ADGRB3: variants seen among roughly 807,000 people sequenced by gnomAD.
ADGRB3 encodes the protein adhesion G protein-coupled receptor B3.
Under a neutral mutation model 193.4 loss-of-function variants are expected in ADGRB3, and 37 were observed. The observed-to-expected ratio is 0.19, with a 90% CI of 0.15 to 0.25. The LOEUF is 0.25. Among genes scored for constraint, ADGRB3 ranks in the 10% least tolerant of loss-of-function variants. The pLI is 1.00. For synonymous variants in ADGRB3, 690 were observed against 644.2 expected (o/e 1.07, Z -1.08); for missense variants, 1,637 against 1,852.9 (o/e 0.88, Z 2.14).
intron 3 of ADGRB3, among the ~76,000 whole-genome samples, chr6:68,742,012 T>C (rs1267119634): frequency 6.6e-6 from 1 of 152,216 alleles, no homozygotes; most frequent in Non-Finnish European, 1.5e-5. Flanking sequence ...GAACTGAATG[T>C]TCATATATCT....
intron 3 of ADGRB3, among the ~76,000 whole-genome samples, chr6:68,849,304 A>T (rs1214769555): frequency 1.3e-5 from 2 of 151,922 alleles, no homozygotes; most frequent in Non-Finnish European, 2.9e-5. Context: ...CACAATGTAG[A>T]CTAGCATCTA....
At chr6:69,026,586 C>T (rs1220124761) in intron 13 of ADGRB3, among the ~76,000 whole-genome samples, 1 of 152,196 alleles carries the variant, frequency 6.6e-6, no homozygotes, top group East Asian at 1.9e-4. Context: ...GTATTTGTCA[C>T]TTACCTAAGG....
intron 3 of ADGRB3, among the ~76,000 whole-genome samples, chr6:68,649,351 A>T (rs572364248): frequency 2.6e-5 from 4 of 152,282 alleles, no homozygotes; most frequent in African/African-American, 9.6e-5. Context: ...TCTCTATAAG[A>T]TAAAAGATGA....
chr6:68,866,265 T>G (rs551338318), intron 3 of ADGRB3, among the ~76,000 whole-genome samples: 1 of 152,236 alleles, frequency 6.6e-6, no homozygotes, highest in East Asian at 1.9e-4. Flanking sequence ...CTCATGATAG[T>G]GAGTGAGTTC....
At chr6:68,678,596 G>T (rs1764817592) in intron 3 of ADGRB3, among the ~76,000 whole-genome samples, 1 of 152,154 alleles carries the variant, frequency 6.6e-6, no homozygotes, top group Non-Finnish European at 1.5e-5. Context: ...TGTAATCAAA[G>T]GAAGGTTGGA....
intron 17 of ADGRB3, among the ~76,000 whole-genome samples, chr6:69,199,904 C>G (rs1291891448): frequency 6.6e-6 from 1 of 151,972 alleles, no homozygotes; most frequent in East Asian, 1.9e-4. Flanking sequence ...TCCCTTAAAA[C>G]CTTTATAGCC....
intron 3 of ADGRB3, among the ~76,000 whole-genome samples, chr6:68,735,058 G>A (rs1765845996): frequency 6.6e-6 from 1 of 151,914 alleles, no homozygotes; most frequent in Non-Finnish European, 1.5e-5. Flanking sequence ...AATAGCTTAT[G>A]TCACTGACCA....
intron 3 of ADGRB3, among the ~76,000 whole-genome samples, chr6:68,847,048 A>C (rs1768291697): frequency 6.6e-6 from 1 of 152,180 alleles, no homozygotes; most frequent in Non-Finnish European, 1.5e-5. Flanking sequence ...TGAGACGTGG[A>C]GTCAAAGGTG....
chr6:68,681,687 T>C (rs760546414), intron 3 of ADGRB3, among the ~76,000 whole-genome samples: 8 of 151,870 alleles, frequency 5.3e-5, no homozygotes, highest in Non-Finnish European at 8.8e-5. Flanking sequence ...CTTAGACAAG[T>C]CTCTACACAA....
chr6:69,295,814 C>T (rs758429430), intron 20 of ADGRB3, among the ~76,000 whole-genome samples: 2 of 152,158 alleles, frequency 1.3e-5, no homozygotes, highest in South Asian at 4.1e-4. Flanking sequence ...GCAAACCATA[C>T]AATCAACCTC....
intron 3 of ADGRB3, among the ~76,000 whole-genome samples, chr6:68,793,421 G>C (rs976202754): frequency 1.3e-5 from 2 of 152,008 alleles, no homozygotes; most frequent in African/African-American, 4.8e-5. Context: ...TATAGCTACA[G>C]ATCATATCTT....
intron 3 of ADGRB3, among the ~76,000 whole-genome samples, chr6:68,861,813 A>T (rs1426459718): frequency 6.6e-6 from 1 of 152,134 alleles, no homozygotes; most frequent in Non-Finnish European, 1.5e-5. Context: ...CTGTCTGTGC[A>T]ACCATAGCAT....
At chr6:69,382,981 C>A in intron 31 of ADGRB3, 46 bp downstream of exon 31, 1 of 1,315,920 alleles carries the variant, frequency 7.6e-7, no homozygotes, top group Non-Finnish European at 1.1e-6. Context: ...TGCATCATGT[C>A]AGATATTATT....
At chr6:69,179,315 G>C (rs1775518416) in intron 17 of ADGRB3, among the ~76,000 whole-genome samples, 1 of 152,136 alleles carries the variant, frequency 6.6e-6, no homozygotes, top group Non-Finnish European at 1.5e-5. Flanking sequence ...AAATTTTTAA[G>C]TGAGTTTTTG....
chr6:68,756,571 C>G (rs1766302440), intron 3 of ADGRB3, among the ~76,000 whole-genome samples: 1 of 152,070 alleles, frequency 6.6e-6, no homozygotes, highest in Non-Finnish European at 1.5e-5. Context: ...AGTGCAGGTG[C>G]TCACTTTACT....
chr6:69,037,991 C>G (rs1770924213), intron 13 of ADGRB3, among the ~76,000 whole-genome samples: 1 of 152,082 alleles, frequency 6.6e-6, no homozygotes, highest in African/African-American at 2.4e-5. Flanking sequence ...AGGATGGAGA[C>G]TTTTTTCACA....
At chr6:68,990,256 G>A (rs1582375949) in intron 10 of ADGRB3, among the ~76,000 whole-genome samples, 1 of 152,148 alleles carries the variant, frequency 6.6e-6, no homozygotes. Flanking sequence ...GTTGTGGATA[G>A]AAGATCAAGA....
intron 13 of ADGRB3, among the ~76,000 whole-genome samples, chr6:69,040,363 T>TCTCTC (rs763185291): frequency 7.5e-5 from 4 of 53,598 alleles, no homozygotes; most frequent in South Asian, 1.2e-3. Context: ...CTTTCTTTCT[T>TCTCTC]TCTTTCTTTC....
chr6:68,994,863 ATTTGTTTTGT>A (rs3839460), intron 11 of ADGRB3, among the ~76,000 whole-genome samples: 17,524 of 151,652 alleles, frequency 0.12, 1,241 homozygotes, highest in African/African-American at 0.21. Context: ...AAAATACAGG[ATTTGTTTTGT>A]TTTGTTTTGT....
Sources: allele counts gnomAD v4.1 joint callset (sites outside exome capture counted in the v4.1 genomes callset), GRCh38; gene constraint gnomAD v4.1.1; transcripts MANE v1.5; gene names NCBI Gene and HGNC (gene_info 2026-07-23, HGNC 2026-07-21).